Variants in CSMD1 observed in about 807,000 individuals in gnomAD.
The protein encoded by CSMD1 is CUB and Sushi multiple domains 1, also known as CUB and sushi domain-containing protein 1.
A neutral mutation model predicts 417.5 loss-of-function variants in CSMD1; 213 were observed. That is an observed-to-expected ratio of 0.51 (90% CI 0.46 to 0.57). CSMD1 has a LOEUF of 0.57. Ranked by LOEUF, CSMD1 falls within the 20% of genes least tolerant of loss-of-function variation. CSMD1 has a pLI of 0.00. For missense variants in CSMD1, 6,923 were observed against 4,529.7 expected, an observed-to-expected ratio of 1.53 and a Z score of -15.17; for synonymous variants, 2,862 against 1,736.8, an observed-to-expected ratio of 1.65 and a Z score of -16.11.
rs1585321323 is a variant in CSMD1 at position 4,104,560 on chromosome 8, T to G, written c.416-72461A>C. Among the ~76,000 whole-genome samples, 4 of 152,094 alleles carry G rather than the reference T, an allele frequency of 2.6e-5. No homozygotes were observed. The South Asian group carries it at 8.3e-4, about 32-fold the overall frequency. ...TTGCAACTTTTCAAAGCCACTTTTC[T>G]GTTAAACTGTAAATAAATGAATTAA... On this transcript the variant is annotated intron_variant, in intron 3 of 69. Coordinates refer to ENST00000635120, the MANE Select transcript of CSMD1 (RefSeq NM_033225.6).
intron 3 of CSMD1, among the ~76,000 whole-genome samples, chr8:4,041,793 AAAC>A (rs1797908053): frequency 6.6e-6 from 1 of 152,162 alleles, no homozygotes; most frequent in South Asian, 2.1e-4. Context: ...AAATATTAAA[AAAC>A]AAACAAACAT....
At chr8:4,373,035 C>T (rs1380343293) in intron 3 of CSMD1, among the ~76,000 whole-genome samples, 1 of 152,192 alleles carries the variant, frequency 6.6e-6, no homozygotes, top group Non-Finnish European at 1.5e-5. Context: ...TTCGGGCTCA[C>T]AGTGTATAAC....
intron 3 of CSMD1, among the ~76,000 whole-genome samples, chr8:4,261,326 G>C (rs995333342): frequency 6.6e-5 from 10 of 152,246 alleles, no homozygotes; most frequent in Admixed American, 5.2e-4. Context: ...AAAATACTGT[G>C]TAATCTCACT....
rs561656684 is a variant in CSMD1, at chr8:3,300,895, G to A, written c.3950+6800C>T. ...AATTGCTTGAACCCAGGAGGCTGAGGTTGCAGTGAGCCAGGATTGCGCCAC... is the reference window on the plus strand; with the variant it reads ...AATTGCTTGAACCCAGGAGGCTGAGATTGCAGTGAGCCAGGATTGCGCCAC... On this transcript the variant is annotated intron_variant, in intron 25 of 69. Transcript: ENST00000635120. 2.3e-4 allele frequency among the ~76,000 whole-genome samples: 31 copies of A among 135,390 alleles called. 1 individual carries two copies. The East Asian group carries it at 6.8e-3, about 30-fold the overall frequency. The allele number at this position is 135,390 out of a possible 152,430, so 88.8% of individuals were successfully genotyped here.
At chr8:4,184,316 T>G (rs1162768876) in intron 3 of CSMD1, among the ~76,000 whole-genome samples, 2 of 152,194 alleles carry the variant, frequency 1.3e-5, no homozygotes, top group African/African-American at 4.8e-5. Flanking sequence ...GGCTAACTCT[T>G]AAACATGAGT....
intron 3 of CSMD1, among the ~76,000 whole-genome samples, chr8:4,080,032 G>T (rs1468431258): frequency 1.3e-5 from 2 of 151,336 alleles, no homozygotes; most frequent in African/African-American, 4.9e-5. Flanking sequence ...TATCAAAAGG[G>T]TGGTGAGTGG....
chr8:3,599,691 C>T (rs918443758), intron 8 of CSMD1, among the ~76,000 whole-genome samples: 12 of 152,278 alleles, frequency 7.9e-5, no homozygotes, highest in African/African-American at 2.4e-4. Context: ...CTCCATTTTC[C>T]TTTGAGTATC....
At chr8:3,693,620 TAAAC>T (rs1800375573) in intron 7 of CSMD1, among the ~76,000 whole-genome samples, 1 of 152,004 alleles carries the variant, frequency 6.6e-6, no homozygotes, top group Admixed American at 6.6e-5. Context: ...AGAGAGACAA[TAAAC>T]AAAATAAATA....
intron 3 of CSMD1, among the ~76,000 whole-genome samples, chr8:4,298,510 C>G (rs1028402009): frequency 2.0e-5 from 3 of 152,046 alleles, no homozygotes; most frequent in African/African-American, 7.2e-5. Flanking sequence ...CTTAAAAGCC[C>G]TGACTTGACC....
intron 5 of CSMD1, among the ~76,000 whole-genome samples, chr8:3,841,192 A>G (rs1324195763): frequency 2.0e-5 from 3 of 152,190 alleles, no homozygotes; most frequent in Admixed American, 6.6e-5. Flanking sequence ...ATGTAATACA[A>G]AGGAATTCCA....
chr8:3,937,644 A>T (rs1810594924), intron 5 of CSMD1, among the ~76,000 whole-genome samples: 1 of 152,188 alleles, frequency 6.6e-6, no homozygotes, highest in Admixed American at 6.6e-5. Context: ...CAGTCATCTG[A>T]AGCCAAACTT....
chr8:3,529,837 A>G (rs564427739), intron 10 of CSMD1, among the ~76,000 whole-genome samples: 1 of 152,216 alleles, frequency 6.6e-6, no homozygotes, highest in Non-Finnish European at 1.5e-5. Flanking sequence ...CTGTAAGCCT[A>G]CATTTTCTTG....
At chr8:4,224,694 G>C (rs906098929) in intron 3 of CSMD1, among the ~76,000 whole-genome samples, 1 of 152,214 alleles carries the variant, frequency 6.6e-6, no homozygotes, top group Admixed American at 6.5e-5. Context: ...GATGCATGGA[G>C]ATGAATTACT....
intron 3 of CSMD1, among the ~76,000 whole-genome samples, chr8:4,289,171 A>G (rs530735482): frequency 6.6e-6 from 1 of 152,318 alleles, no homozygotes; most frequent in South Asian, 2.1e-4. Context: ...AGTGTATATT[A>G]TATAACAGTT....
At chr8:4,170,954 T>G (rs1584952048) in intron 3 of CSMD1, among the ~76,000 whole-genome samples, 1 of 151,918 alleles carries the variant, frequency 6.6e-6, no homozygotes, top group Non-Finnish European at 1.5e-5. Context: ...CAAATGTCAT[T>G]ATCCCAGGGC....
At chr8:3,548,798 G>C (rs191162785) in intron 10 of CSMD1, among the ~76,000 whole-genome samples, 3 of 151,918 alleles carry the variant, frequency 2.0e-5, no homozygotes, top group Admixed American at 6.6e-5. Flanking sequence ...CACCTTCTCA[G>C]GTTTCTAAGC....
At chr8:3,854,038 ATATAC>A (rs1398181580) in intron 5 of CSMD1, among the ~76,000 whole-genome samples, 4 of 146,216 alleles carry the variant, frequency 2.7e-5, no homozygotes, top group East Asian at 2.0e-4. Flanking sequence ...ATTAAATATA[ATATAC>A]TAAAGTATAT....
At chr8:3,162,068 A>G in intron 38 of CSMD1, 91 bp downstream of exon 38, 3 of 788,796 alleles carry the variant, frequency 3.8e-6, no homozygotes, top group Non-Finnish European at 6.5e-6. Flanking sequence ...AGTGAGGAAA[A>G]CATGGGTACA....
At chr8:3,820,934 G>C (rs1446084862) in intron 5 of CSMD1, among the ~76,000 whole-genome samples, 1 of 151,598 alleles carries the variant, frequency 6.6e-6, no homozygotes, top group Non-Finnish European at 1.5e-5. Context: ...TTAATTTTTT[G>C]AGCCGGAGTT....
Sources: allele counts gnomAD v4.1 joint callset (sites outside exome capture counted in the v4.1 genomes callset), GRCh38; gene constraint gnomAD v4.1.1; transcripts MANE v1.5; gene names NCBI Gene and HGNC (gene_info 2026-07-23, HGNC 2026-07-21).